The following ATG10 variants were observed in gnomAD, a reference collection of about 807,000 sequenced individuals.
ATG10 encodes ubiquitin-like-conjugating enzyme ATG10.
ATG10 carries 30 observed loss-of-function variants against 32.1 expected under a neutral mutation model. The ratio of observed to expected loss-of-function variants is 0.94; its 90% confidence interval spans 0.70 to 1.27. The LOEUF (loss-of-function observed/expected upper bound fraction) is 1.27. Among genes scored for constraint, ATG10 ranks in the 50% most tolerant of loss-of-function variants. The pLI is 0.00. For synonymous variants in ATG10, 87 were observed against 91.5 expected (o/e 0.95, Z 0.28); for missense variants, 233 against 262.3 (o/e 0.89, Z 0.77).
intron 4 of ATG10, among the ~76,000 whole-genome samples, chr5:82,168,720 T>A (rs765933868): frequency 2.6e-5 from 4 of 152,328 alleles, no homozygotes; most frequent in South Asian, 2.1e-4. Flanking sequence ...CAAAGAATAG[T>A]TCCTTCTCAA....
chr5:82,074,948 T>C (rs1175928928), intron 3 of ATG10, among the ~76,000 whole-genome samples: 2 of 152,188 alleles, frequency 1.3e-5, no homozygotes, highest in South Asian at 2.1e-4. Flanking sequence ...AAATTGAATA[T>C]TGATAGAGAA....
intron 1 of ATG10, among the ~76,000 whole-genome samples, chr5:81,976,863 TTAAA>T (rs1400577086): frequency 1.3e-5 from 2 of 152,232 alleles, no homozygotes; most frequent in Non-Finnish European, 2.9e-5. Flanking sequence ...CATTGTCTGC[TTAAA>T]TAAACATTTT....
intron 3 of ATG10, among the ~76,000 whole-genome samples, chr5:82,095,688 T>C (rs1033576053): frequency 6.6e-6 from 1 of 152,166 alleles, no homozygotes; most frequent in African/African-American, 2.4e-5. Context: ...CAGTGTGTCT[T>C]AGCCCACCAT....
At chr5:82,181,603 G>A (rs1418833476) in intron 5 of ATG10, among the ~76,000 whole-genome samples, 1 of 152,126 alleles carries the variant, frequency 6.6e-6, no homozygotes, top group Non-Finnish European at 1.5e-5. Flanking sequence ...TATTGGTGGT[G>A]TTGAATAGTA....
At chr5:82,033,157 T>C (rs1362273087) in intron 2 of ATG10, among the ~76,000 whole-genome samples, 1 of 152,186 alleles carries the variant, frequency 6.6e-6, no homozygotes, top group Admixed American at 6.5e-5. Context: ...CATTCCCTTA[T>C]TGATGGGCAT....
intron 3 of ATG10, among the ~76,000 whole-genome samples, chr5:82,060,637 G>A (rs1020294551): frequency 6.6e-6 from 1 of 152,180 alleles, no homozygotes; most frequent in African/African-American, 2.4e-5. Flanking sequence ...GCCGAGGCAG[G>A]CGGATCACCT....
intron 5 of ATG10, among the ~76,000 whole-genome samples, chr5:82,226,191 G>A (rs538783354): frequency 6.6e-6 from 1 of 152,186 alleles, no homozygotes; most frequent in Admixed American, 6.5e-5. Context: ...CTGTAGATCT[G>A]AACATCAAAC....
intron 2 of ATG10, among the ~76,000 whole-genome samples, chr5:82,030,693 A>G (rs1397809851): frequency 6.6e-6 from 1 of 152,302 alleles, no homozygotes; most frequent in South Asian, 2.1e-4. Context: ...CTGCAGTACT[A>G]TTGACCTTGC....
At chr5:82,058,640 G>A (rs530696023) in intron 3 of ATG10, 38 bp downstream of exon 3, 24 of 1,382,244 alleles carry the variant, frequency 1.7e-5, no homozygotes, top group Middle Eastern at 1.8e-4. Context: ...TTCAGTCTCC[G>A]TAAAGTATAC....
At chr5:82,056,429 GT>G (rs375167558) in intron 2 of ATG10, among the ~76,000 whole-genome samples, 120 of 125,400 alleles carry the variant, frequency 9.6e-4, no homozygotes, top group African/African-American at 1.4e-3. Flanking sequence ...TGGCTGCCAG[GT>G]TTTTTTTTTT....
At chr5:82,156,206 G>T (rs746781278) in intron 3 of ATG10, among the ~76,000 whole-genome samples, 1 of 151,746 alleles carries the variant, frequency 6.6e-6, no homozygotes, top group African/African-American at 2.4e-5. Flanking sequence ...AAGGCAAACC[G>T]GTTTATGGCA....
At chr5:82,137,687 G>C (rs968915680) in intron 3 of ATG10, among the ~76,000 whole-genome samples, 1 of 152,160 alleles carries the variant, frequency 6.6e-6, no homozygotes, top group Non-Finnish European at 1.5e-5. Context: ...GAGGAGGCAC[G>C]GGGGTCAAGG....
chr5:82,140,177 C>T (rs1767030096), intron 3 of ATG10, among the ~76,000 whole-genome samples: 2 of 95,344 alleles, frequency 2.1e-5, no homozygotes, highest in Admixed American at 9.3e-5. Flanking sequence ...CCAGCCGCCC[C>T]GTCCGGGAGG....
intron 1 of ATG10, among the ~76,000 whole-genome samples, chr5:81,979,236 A>G (rs547793451): frequency 1.3e-5 from 2 of 149,688 alleles, no homozygotes; most frequent in South Asian, 4.6e-4. Flanking sequence ...CTTAAAAAAA[A>G]ATGTTTACTG....
At chr5:82,119,503 C>T (rs1181140556) in intron 3 of ATG10, among the ~76,000 whole-genome samples, 1 of 152,106 alleles carries the variant, frequency 6.6e-6, no homozygotes, top group African/African-American at 2.4e-5. Flanking sequence ...CTCTGTGGCT[C>T]AGGCTGGAGT....
chr5:82,130,521 G>A (rs1451836343), intron 3 of ATG10, among the ~76,000 whole-genome samples: 3 of 152,120 alleles, frequency 2.0e-5, no homozygotes, highest in Non-Finnish European at 2.9e-5. Flanking sequence ...CAAGACCGTG[G>A]GAAGAGTGTA....
chr5:82,056,843 C>T (rs1048542679), intron 2 of ATG10, among the ~76,000 whole-genome samples: 1 of 152,176 alleles, frequency 6.6e-6, no homozygotes, highest in Non-Finnish European at 1.5e-5. Context: ...TGATGTGAAA[C>T]AGTGGCAATG....
chr5:82,031,982 G>A (rs1028580317), intron 2 of ATG10, among the ~76,000 whole-genome samples: 4 of 152,222 alleles, frequency 2.6e-5, no homozygotes, highest in Non-Finnish European at 2.9e-5. Flanking sequence ...CTTTGCCTAC[G>A]CTGGCAGGGC....
rs1765031930 is a variant in ATG10 at position 82,095,630 on chromosome 5, G to A, written c.216+37028G>A. Among the ~76,000 whole-genome samples, 3 of 152,054 alleles carry A rather than the reference G, an allele frequency of 2.0e-5. No homozygotes were observed. In the South Asian group the frequency reaches 6.2e-4, roughly 32 times the overall value. On this transcript the variant is annotated intron_variant, in intron 3 of 7. Transcript: ENST00000282185. ...TTGTTTCATTTAATTTTAACCGGGA[G>A]TGGTGTGTATACTTGCAGCTGGTAG...
Sources: allele counts gnomAD v4.1 joint callset (sites outside exome capture counted in the v4.1 genomes callset), GRCh38; gene constraint gnomAD v4.1.1; transcripts MANE v1.5; gene names NCBI Gene and HGNC (gene_info 2026-07-23, HGNC 2026-07-21).